Variants in TRPC4 observed in about 807,000 individuals in gnomAD.
TRPC4 encodes short transient receptor potential channel 4.
In TRPC4, 49 loss-of-function variants were observed where a neutral mutation model predicts 99.4. That is an observed-to-expected ratio of 0.49 (90% CI 0.39 to 0.63). TRPC4 has a LOEUF of 0.63. Ranked by LOEUF, TRPC4 falls within the 20% of genes least tolerant of loss-of-function variation. The pLI is 0.00. For synonymous variants in TRPC4, 454 were observed against 425.9 expected, an observed-to-expected ratio of 1.07 and a Z score of -0.81; for missense variants, 898 against 1,152.9, an observed-to-expected ratio of 0.78 and a Z score of 3.20.
chr13:37,703,125 C>T (rs1024879489), intron 3 of TRPC4, among the ~76,000 whole-genome samples: 27 of 152,118 alleles, frequency 1.8e-4, no homozygotes, highest in African/African-American at 6.3e-4. Flanking sequence ...GTTGTATGTG[C>T]TAGGACTCTC....
chr13:37,783,740 C>A (rs1038631728), intron 1 of TRPC4, among the ~76,000 whole-genome samples: 5 of 151,902 alleles, frequency 3.3e-5, no homozygotes, highest in Non-Finnish European at 7.4e-5. Context: ...CAAAACTAGA[C>A]CAAGGATATT....
chr13:37,722,131 G>C (rs186364038), intron 3 of TRPC4, among the ~76,000 whole-genome samples: 3 of 151,470 alleles, frequency 2.0e-5, no homozygotes, highest in African/African-American at 7.2e-5. Flanking sequence ...GACTGAGGAA[G>C]GTTAAATACT....
At position 37,634,715 on chromosome 13, in the gene TRPC4, A is replaced by G. The variant is rs1300460724; in HGVS notation, c.*2188T>C. On this transcript the variant is annotated 3_prime_UTR_variant, in exon 11 of 11. Transcript: ENST00000379705. ...AAACAAAATAAAACAACAACGCACA[A>G]GAGAGGCAAAAAGAAATTAATAGAA... 6.6e-6 allele frequency among the ~76,000 whole-genome samples: 1 copy of G among 152,160 alleles called. No individual in the cohort carries two copies. Among genetic ancestry groups the G allele is most frequent in the South Asian group, 2.1e-4 (1 of 4,832 alleles).
At position 37,712,892 on chromosome 13, in the gene TRPC4, GA is replaced by G. The variant is rs142220358; in HGVS notation, c.898-20558del. 8.3e-3 allele frequency among the ~76,000 whole-genome samples: 1,262 copies of G among 152,254 alleles called. 15 individuals carry two copies. The highest frequency in any genetic ancestry group is 0.028 in the African/African-American group (1,172 of 41,552). ...TTGTATTTGTTCCTCAAAAGAGAAA[GA>G]AATGCATGAGGTTTACTTCCAACAT... On this transcript the variant is annotated intron_variant, in intron 3 of 10. Transcript: ENST00000379705.
At chr13:37,829,522 T>C (rs372528331) in intron 1 of TRPC4, among the ~76,000 whole-genome samples, 38 of 152,324 alleles carry the variant, frequency 2.5e-4, no homozygotes, top group East Asian at 1.5e-3. Context: ...TCTTTGTGCA[T>C]TGCTGGTTGG....
intron 4 of TRPC4, among the ~76,000 whole-genome samples, chr13:37,691,140 C>T (rs1351439844): frequency 1.3e-5 from 2 of 151,978 alleles, no homozygotes; most frequent in African/African-American, 2.4e-5. Context: ...CTCACTCTGT[C>T]GCCCAGGCTG....
chr13:37,852,980 G>T (rs954628818), intron 1 of TRPC4, among the ~76,000 whole-genome samples: 1 of 152,142 alleles, frequency 6.6e-6, no homozygotes, highest in African/African-American at 2.4e-5. Flanking sequence ...TAAGACTTTT[G>T]ACTCTAATCC....
intron 3 of TRPC4, among the ~76,000 whole-genome samples, chr13:37,722,661 G>T (rs1954912560): frequency 6.6e-6 from 1 of 152,172 alleles, no homozygotes; most frequent in South Asian, 2.1e-4. Flanking sequence ...AAATAGGGAA[G>T]TAGCATTTAG....
At chr13:37,679,657 G>A (rs375088312) in intron 4 of TRPC4, among the ~76,000 whole-genome samples, 22 of 152,124 alleles carry the variant, frequency 1.4e-4, no homozygotes, top group East Asian at 1.4e-3. Flanking sequence ...TTTTAAAGTT[G>A]GCTGTAGACA....
intron 8 of TRPC4, among the ~76,000 whole-genome samples, chr13:37,650,610 T>TACACACAC (rs1555250394): frequency 3.2e-4 from 21 of 65,108 alleles, no homozygotes; most frequent in South Asian, 1.5e-3. Context: ...TCTCTCTCTC[T>TACACACAC]ATACACACAC....
At chr13:37,783,448 T>A in intron 1 of TRPC4, 88 bp from the exon 2 acceptor site, 1 of 1,057,142 alleles carries the variant, frequency 9.5e-7, no homozygotes, top group Non-Finnish European at 1.3e-6. Flanking sequence ...CACAGTGATA[T>A]CAATAACAAC....
At chr13:37,817,651 G>A (rs78338071) in intron 1 of TRPC4, among the ~76,000 whole-genome samples, 4,919 of 151,712 alleles carry the variant, frequency 0.032, 270 homozygotes, top group African/African-American at 0.11. Flanking sequence ...ACAGGGTTAC[G>A]GTAATCAAAA....
intron 1 of TRPC4, among the ~76,000 whole-genome samples, chr13:37,837,320 G>C (rs1958593769): frequency 6.6e-6 from 1 of 152,228 alleles, no homozygotes; most frequent in Non-Finnish European, 1.5e-5. Context: ...CTAGAATGGT[G>C]TATCCACCAA....
intron 3 of TRPC4, among the ~76,000 whole-genome samples, chr13:37,731,784 GTA>G (rs920825497): frequency 9.9e-5 from 15 of 151,946 alleles, no homozygotes; most frequent in Admixed American, 2.0e-4. Flanking sequence ...ATTTTATTTT[GTA>G]TATGTTTGCC....
At chr13:37,719,878 A>G (rs1021689026) in intron 3 of TRPC4, among the ~76,000 whole-genome samples, 1 of 152,212 alleles carries the variant, frequency 6.6e-6, no homozygotes, top group African/African-American at 2.4e-5. Context: ...GCTAACATTA[A>G]AATATGTTTT....
chr13:37,794,992 C>T (rs1957210106), intron 1 of TRPC4, among the ~76,000 whole-genome samples: 1 of 152,118 alleles, frequency 6.6e-6, no homozygotes, highest in South Asian at 2.1e-4. Context: ...ATGTAGCCTT[C>T]AGTCTAAACA....
At chr13:37,734,100 T>G (rs1351859205) in intron 3 of TRPC4, among the ~76,000 whole-genome samples, 1 of 152,162 alleles carries the variant, frequency 6.6e-6, no homozygotes, top group Non-Finnish European at 1.5e-5. Flanking sequence ...CCATGTTCCA[T>G]GCTCTTCTTT....
intron 1 of TRPC4, among the ~76,000 whole-genome samples, chr13:37,834,003 T>G (rs1333518023): frequency 1.3e-5 from 2 of 152,232 alleles, no homozygotes; most frequent in African/African-American, 2.4e-5. Context: ...GATACCTTAA[T>G]ATTTTTTATT....
At chr13:37,826,909 C>T (rs574438867) in intron 1 of TRPC4, among the ~76,000 whole-genome samples, 135 of 152,268 alleles carry the variant, frequency 8.9e-4, no homozygotes, top group African/African-American at 3.1e-3. Flanking sequence ...TTCAGGTACA[C>T]CAATCAGACG....
Sources: allele counts gnomAD v4.1 joint callset (sites outside exome capture counted in the v4.1 genomes callset), GRCh38; gene constraint gnomAD v4.1.1; transcripts MANE v1.5; gene names NCBI Gene and HGNC (gene_info 2026-07-23, HGNC 2026-07-21).